Variants in KCNMB4 observed in about 807,000 individuals in gnomAD.
The protein encoded by KCNMB4 is calcium-activated potassium channel subunit beta-4.
A neutral mutation model predicts 20.7 loss-of-function variants in KCNMB4; 3 were observed. The observed-to-expected ratio is 0.14, with a 90% CI of 0.07 to 0.37. The LOEUF (loss-of-function observed/expected upper bound fraction) is 0.37. KCNMB4 is among the 10% of genes least tolerant of loss of function. KCNMB4 has a pLI of 1.00. For synonymous variants in KCNMB4, 110 were observed against 113.4 expected (o/e 0.97, Z 0.19); for missense variants, 168 against 265.9 (o/e 0.63, Z 2.56).
intron 2 of KCNMB4, among the ~76,000 whole-genome samples, chr12:70,401,050 G>A (rs1452473636): frequency 2.0e-5 from 3 of 152,118 alleles, no homozygotes; most frequent in Non-Finnish European, 1.5e-5. Flanking sequence ...TTTTTAGACA[G>A]AGTCTCACTC....
At chr12:70,391,772 T>C (rs538841048) in intron 1 of KCNMB4, among the ~76,000 whole-genome samples, 2 of 152,306 alleles carry the variant, frequency 1.3e-5, no homozygotes, top group African/African-American at 4.8e-5. Flanking sequence ...TCGAGAGAGA[T>C]GCAAGCAGGT....
At position 70,366,957 on chromosome 12, in the gene KCNMB4, G is replaced by T. The variant is rs778577165; in HGVS notation, c.223G>T (p.Asp75Tyr). 21 of 1,610,018 alleles carry T rather than the reference G, an allele frequency of 1.3e-5. No individual in the cohort carries two copies. The South Asian group carries it at 2.3e-4, about 18-fold the overall frequency. Residue 75 changes from aspartate (D) to tyrosine (Y), a missense_variant, in exon 1 of 3, where the codon GAC becomes TAC. Asp to Tyr is a radical substitution (Grantham distance 160, BLOSUM62 -3). Transcript: ENST00000258111. ...CGAGTGCACCTTCACCTGTGGCGCC[G>T]ACTGCAGGGGCACCTCGCAGTACCC... ...VFECTFTCGA[D>Y]CRGTSQYPCV...
chr12:70,407,899 G>T (rs143557311), intron 2 of KCNMB4, among the ~76,000 whole-genome samples: 2 of 152,120 alleles, frequency 1.3e-5, no homozygotes, highest in Non-Finnish European at 2.9e-5. Context: ...AAAAAACGAA[G>T]ATTCTCCTCT....
chr12:70,379,129 G>A (rs1204279219), intron 1 of KCNMB4, among the ~76,000 whole-genome samples: 4 of 152,172 alleles, frequency 2.6e-5, no homozygotes, highest in Admixed American at 1.3e-4. Flanking sequence ...AGCACAGGCA[G>A]AGTAGACTTA....
intron 1 of KCNMB4, among the ~76,000 whole-genome samples, chr12:70,381,589 A>G (rs1396313585): frequency 6.6e-6 from 1 of 152,230 alleles, no homozygotes; most frequent in Non-Finnish European, 1.5e-5. Flanking sequence ...GAACTTCAAA[A>G]ATATGGTAAG....
At chr12:70,421,498 T>TC (rs1869055479) in intron 2 of KCNMB4, among the ~76,000 whole-genome samples, 1 of 148,614 alleles carries the variant, frequency 6.7e-6, no homozygotes, top group South Asian at 2.1e-4. Flanking sequence ...AAAAAACTTT[T>TC]CCCATACATA....
chr12:70,394,253 A>T (rs1868329776), intron 1 of KCNMB4, among the ~76,000 whole-genome samples: 1 of 97,282 alleles, frequency 1.0e-5, no homozygotes, highest in Admixed American at 1.1e-4. Context: ...GCAGATTCCT[A>T]GTCTTAATCA....
chr12:70,395,320 C>T (rs1323263761), intron 1 of KCNMB4, among the ~76,000 whole-genome samples: 2 of 152,026 alleles, frequency 1.3e-5, no homozygotes, highest in Non-Finnish European at 2.9e-5. Flanking sequence ...TAATTCCTAA[C>T]ATAGAACCCA....
chr12:70,394,736 G>T (rs1478302902), intron 1 of KCNMB4, among the ~76,000 whole-genome samples: 1 of 152,028 alleles, frequency 6.6e-6, no homozygotes, highest in African/African-American at 2.4e-5. Flanking sequence ...GGACGATCAC[G>T]GCTCACTGCA....
chr12:70,418,595 C>T (rs771901053), intron 2 of KCNMB4, among the ~76,000 whole-genome samples: 6 of 152,094 alleles, frequency 3.9e-5, no homozygotes, highest in Non-Finnish European at 7.4e-5. Context: ...GACAAAGGCG[C>T]GTGCTAACTT....
At chr12:70,370,987 G>A (rs1883583110) in intron 1 of KCNMB4, among the ~76,000 whole-genome samples, 1 of 152,128 alleles carries the variant, frequency 6.6e-6, no homozygotes, top group African/African-American at 2.4e-5. Context: ...CACCCAAGTA[G>A]CTGGGCTTAC....
intron 1 of KCNMB4, among the ~76,000 whole-genome samples, chr12:70,398,088 T>C (rs1868371937): frequency 1.3e-5 from 2 of 152,170 alleles, no homozygotes; most frequent in Non-Finnish European, 1.5e-5. Flanking sequence ...TGAACATTTT[T>C]CTAATGCAAA....
chr12:70,369,320 A>C (rs182285854), intron 1 of KCNMB4, among the ~76,000 whole-genome samples: 1 of 152,338 alleles, frequency 6.6e-6, no homozygotes, highest in African/African-American at 2.4e-5. Flanking sequence ...TGATGGAAAA[A>C]TTCAATGTAA....
At chr12:70,395,187 A>G (rs1342937840) in intron 1 of KCNMB4, among the ~76,000 whole-genome samples, 1 of 144,924 alleles carries the variant, frequency 6.9e-6, no homozygotes, top group African/African-American at 2.7e-5. Flanking sequence ...ATTTATTTGG[A>G]AATCATTTAA....
chr12:70,394,804 C>A (rs141768507), intron 1 of KCNMB4, among the ~76,000 whole-genome samples: 34 of 152,224 alleles, frequency 2.2e-4, no homozygotes, highest in Non-Finnish European at 4.0e-4. Flanking sequence ...GTAGCGGTGA[C>A]TACAGGTGTG....
At chr12:70,377,406 T>A (rs1001396482) in intron 1 of KCNMB4, among the ~76,000 whole-genome samples, 1 of 152,216 alleles carries the variant, frequency 6.6e-6, no homozygotes, top group Admixed American at 6.5e-5. Context: ...TACCATTATG[T>A]CTTAAAAATG....
intron 2 of KCNMB4, chr12:70,422,719 AC>A (rs1195821468): frequency 2.0e-5 from 26 of 1,289,080 alleles, no homozygotes; most frequent in Non-Finnish European, 2.6e-5. Context: ...CTTGATGATT[AC>A]CCCTCTTTAT....
intron 1 of KCNMB4, among the ~76,000 whole-genome samples, chr12:70,390,292 T>C (rs764263503): frequency 6.6e-6 from 1 of 152,200 alleles, no homozygotes; most frequent in African/African-American, 2.4e-5. Context: ...AGCCATTTGC[T>C]TCTGAAATTT....
rs146802485 is a variant in KCNMB4, at chr12:70,391,019, T to C, written c.337-9190T>C. ...ATTTTCAGTAGGTAGGACTTGAGGT[T>C]CTACCACAAGGGCTTTAAGTATAAA... On this transcript the variant is annotated intron_variant, in intron 1 of 2. Coordinates refer to ENST00000258111, the MANE Select transcript of KCNMB4 (RefSeq NM_014505.6). 2.9e-3 allele frequency among the ~76,000 whole-genome samples: 446 copies of C among 152,324 alleles called. 2 individuals carry two copies. The highest frequency in any genetic ancestry group is 0.01 in the African/African-American group (430 of 41,572).
Sources: gnomAD v4.1 joint callset for allele counts (sites outside exome capture counted in the v4.1 genomes callset) on GRCh38, gnomAD v4.1.1 for gene constraint, MANE v1.5 for transcripts, NCBI Gene and HGNC (gene_info 2026-07-23, HGNC 2026-07-21) for gene names.